Variants in CRACD observed in about 807,000 individuals in gnomAD.
CRACD encodes the protein capping protein-inhibiting regulator of actin dynamics.
Under a neutral mutation model 106.8 loss-of-function variants are expected in CRACD, and 56 were observed. The ratio of observed to expected loss-of-function variants is 0.52; its 90% CI spans 0.42 to 0.66. The LOEUF is 0.66. CRACD is among the 30% of genes least tolerant of loss of function. The probability of loss-of-function intolerance (pLI) is 0.00; values close to 1 mark genes in which losing one functional copy is unlikely to be tolerated. For synonymous variants in CRACD, 754 were observed against 670.8 expected (o/e 1.12, Z -1.92); for missense variants, 1,730 against 1,623.2 (o/e 1.07, Z -1.13).
At chr4:56,217,880 T>C (rs1738795115) in intron 2 of CRACD, among the ~76,000 whole-genome samples, 1 of 152,184 alleles carries the variant, frequency 6.6e-6, no homozygotes, top group African/African-American at 2.4e-5. Context: ...TACAATTGTG[T>C]CACAGCTATG....
chr4:56,151,288 C>T (rs927446300), intron 1 of CRACD, among the ~76,000 whole-genome samples: 1 of 152,128 alleles, frequency 6.6e-6, no homozygotes, highest in Non-Finnish European at 1.5e-5. Context: ...GCGTGAGCCA[C>T]CTCACCTGGC....
chr4:56,274,989 A>C (rs768210338), intron 3 of CRACD, among the ~76,000 whole-genome samples: 1 of 152,222 alleles, frequency 6.6e-6, no homozygotes, highest in Non-Finnish European at 1.5e-5. Flanking sequence ...AGGAACATGG[A>C]TGGAGCTGGA....
intron 2 of CRACD, among the ~76,000 whole-genome samples, chr4:56,247,580 T>C (rs969550122): frequency 6.6e-6 from 1 of 152,150 alleles, no homozygotes; most frequent in African/African-American, 2.4e-5. Context: ...GCACGGTGGC[T>C]CATGCCTGTA....
At position 56,314,020 on chromosome 4, in the gene CRACD, G is replaced by C. The variant is rs1034077971; in HGVS notation, c.538-20G>C. On this transcript the variant is annotated intron_variant, in intron 7 of 10. Coordinates refer to ENST00000682029, the MANE Select transcript of CRACD (RefSeq NM_001393381.1). The surrounding 1 kb of genome is among the most constrained non-coding windows in gnomAD (Gnocchi z 4.4). ...GTGGAGAAAGCAAAAGGCTAATTGT[G>C]TTTTCCTTTCCAATGTTAGGATCCA... is the stretch of plus-strand genomic sequence containing the variant. 1 of 1,606,632 alleles carries C rather than the reference G, an allele frequency of 6.2e-7. No individual in the cohort carries two copies. The highest frequency in any genetic ancestry group is 8.5e-7 in the Non-Finnish European group (1 of 1,176,296).
At chr4:56,177,040 C>T (rs77442280) in intron 1 of CRACD, among the ~76,000 whole-genome samples, 1,833 of 152,186 alleles carry the variant, frequency 0.012, 18 homozygotes, top group South Asian at 0.017. Context: ...GCAATTTGGA[C>T]GCCCTTTATT....
At position 56,307,634 on chromosome 4, in the gene CRACD, T is replaced by C. The variant is rs753903202; in HGVS notation, c.220T>C (p.Phe74Leu). 1.2e-6 allele frequency: 2 copies of C among 1,614,186 alleles called. No individual in the cohort carries two copies. Among genetic ancestry groups the C allele is most frequent in the South Asian group, 1.1e-5 (1 of 91,080 alleles). Residue 74 changes from phenylalanine to leucine, a missense_variant, in exon 5 of 11, where the codon TTC becomes CTC. Physicochemically the swap from Phe to Leu is conservative, Grantham distance 22 (BLOSUM62 0). Coordinates refer to ENST00000682029, the MANE Select transcript of CRACD (RefSeq NM_001393381.1). ...SGEASLEEDL[F>L]LTSPMEIVTQ... ...AGAGGCTAGCTTAGAAGAGGATCTGTTCCTGACCAGTCCCATGGAAATTGT... is the reference window on the plus strand; with the variant it reads ...AGAGGCTAGCTTAGAAGAGGATCTGCTCCTGACCAGTCCCATGGAAATTGT...
intron 1 of CRACD, among the ~76,000 whole-genome samples, chr4:56,134,930 A>C (rs1734948477): frequency 6.7e-6 from 1 of 149,996 alleles, no homozygotes; most frequent in Admixed American, 6.8e-5. Flanking sequence ...ACAGATTGAT[A>C]CTGGCTTTTT....
intron 2 of CRACD, among the ~76,000 whole-genome samples, chr4:56,228,022 G>A (rs1307392020): frequency 2.6e-5 from 4 of 152,200 alleles, no homozygotes; most frequent in South Asian, 2.1e-4. Context: ...GTCATGCTGC[G>A]TGTTCTCCTT....
At chr4:56,190,015 T>C (rs1406220977) in intron 2 of CRACD, among the ~76,000 whole-genome samples, 643 of 108,712 alleles carry the variant, frequency 5.9e-3, no homozygotes, top group Admixed American at 7.0e-3. Context: ...TTCCCCTTCC[T>C]GTGTCCATGT....
chr4:56,298,155 A>G, intron 3 of CRACD, 59 bp from the exon 4 acceptor site: 5 of 1,560,612 alleles, frequency 3.2e-6, no homozygotes, highest in Non-Finnish European at 4.4e-6. Flanking sequence ...ATAATGGAAA[A>G]CTGAATTGCC....
At chr4:56,168,475 A>G (rs993216424) in intron 1 of CRACD, among the ~76,000 whole-genome samples, 4 of 151,976 alleles carry the variant, frequency 2.6e-5, no homozygotes, top group African/African-American at 9.7e-5. Context: ...ATTTATGTCC[A>G]TAAGGAATAT....
intron 1 of CRACD, among the ~76,000 whole-genome samples, chr4:56,109,334 CTA>C (rs1448094831): frequency 6.7e-6 from 1 of 149,284 alleles, no homozygotes; most frequent in Non-Finnish European, 1.5e-5. Flanking sequence ...TGTATTATGA[CTA>C]TTCTTATTCT....
At chr4:56,230,851 T>G (rs1739577372) in intron 2 of CRACD, among the ~76,000 whole-genome samples, 1 of 152,176 alleles carries the variant, frequency 6.6e-6, no homozygotes, top group South Asian at 2.1e-4. Flanking sequence ...ACAACATAAA[T>G]AAGTTTGTGC....
At chr4:56,294,993 T>G (rs1743925608) in intron 3 of CRACD, among the ~76,000 whole-genome samples, 1 of 136,450 alleles carries the variant, frequency 7.3e-6, no homozygotes, top group Non-Finnish European at 1.6e-5. Context: ...AAACCAGAGC[T>G]GAAAAACTTA....
Position 56,214,681 on chromosome 4 carries a change from C to CTCTATATA in CRACD, c.-189+35252_-189+35253insCTATATAT. Among the ~76,000 whole-genome samples the CTCTATATA allele has an allele frequency of 3.6e-3, 290 of 80,994 alleles. 6 individuals carry two copies. The highest frequency in any genetic ancestry group is 6.3e-3 in the African/African-American group (147 of 23,492). 53.1% of individuals were successfully genotyped at this position (80,994 alleles called of 152,430 possible). ...TCTCTCTCTCTCTCTCTCTCTCTCTCTATATATATATATATCAAACAGTTA... is the reference window on the plus strand; with the variant it reads ...TCTCTCTCTCTCTCTCTCTCTCTCTCTCTATATATATATATATATATATCAAACAGTTA... On this transcript the variant is annotated intron_variant, in intron 2 of 10. Coordinates refer to ENST00000682029, the MANE Select transcript of CRACD (RefSeq NM_001393381.1).
intron 1 of CRACD, among the ~76,000 whole-genome samples, chr4:56,139,352 TC>T (rs928158078): frequency 6.6e-6 from 1 of 152,184 alleles, no homozygotes; most frequent in Non-Finnish European, 1.5e-5. Context: ...TCTCTTTCTT[TC>T]CCCTCTCTCT....
chr4:56,149,862 G>A (rs183819256), intron 1 of CRACD, among the ~76,000 whole-genome samples: 1 of 152,276 alleles, frequency 6.6e-6, no homozygotes, highest in Non-Finnish European at 1.5e-5. Flanking sequence ...TTCGGTTTCA[G>A]CATGAGTGTT....
At chr4:56,294,913 C>CAAAA (rs56200534) in intron 3 of CRACD, among the ~76,000 whole-genome samples, 4 of 72,166 alleles carry the variant, frequency 5.5e-5, no homozygotes, top group Non-Finnish European at 9.8e-5. Flanking sequence ...GACCTTGTCT[C>CAAAA]AAAAAAAAAA....
At position 56,299,846 on chromosome 4, in the gene CRACD, C is replaced by CAAA. The variant is rs60808205; in HGVS notation, c.120+1508_120+1510dup. Reference sequence around the variant, plus strand: ...TTAAATGAATGAATCAATAAACGAGCAAAAAAAAAAAAAGGAAAAGAGAAC... The same window carrying CAAA: ...TTAAATGAATGAATCAATAAACGAGCAAAAAAAAAAAAAAAAGGAAAAGAGAAC... On this transcript the variant is annotated intron_variant, in intron 4 of 10. Transcript: ENST00000682029. Among the ~76,000 whole-genome samples the CAAA allele has an allele frequency of 1.5e-3, 210 of 136,506 alleles. 1 individual carries two copies. The highest frequency in any genetic ancestry group is 2.5e-3 in the Non-Finnish European group (162 of 63,752). The allele number at this position is 136,506 out of a possible 152,430, so 89.6% of individuals were successfully genotyped here. A position where few individuals can be genotyped will look rare whatever the true frequency, so the allele number is the denominator to read the frequency against.
Sources: allele counts gnomAD v4.1 joint callset (sites outside exome capture counted in the v4.1 genomes callset), GRCh38; gene constraint gnomAD v4.1.1; non-coding constraint Gnocchi (gnomAD v3.1); transcripts MANE v1.5; gene names NCBI Gene and HGNC (gene_info 2026-07-23, HGNC 2026-07-21).